NSMCE2: variants seen among roughly 807,000 people sequenced by gnomAD.
NSMCE2 encodes the protein E3 SUMO-protein ligase NSE2.
NSMCE2 carries 24 observed loss-of-function variants against 23.8 expected under a neutral mutation model. The ratio of observed to expected loss-of-function variants is 1.01; its 90% CI spans 0.73 to 1.42. The LOEUF is 1.42. NSMCE2 is among the 40% of genes most tolerant of loss of function. The pLI is 0.00. For missense variants in NSMCE2, 284 were observed against 296.5 expected (o/e 0.96, Z 0.31); for synonymous variants, 92 against 94.1 (o/e 0.98, Z 0.13).
intron 3 of NSMCE2, among the ~76,000 whole-genome samples, chr8:125,111,573 G>A (rs1045255244): frequency 1.4e-4 from 21 of 152,312 alleles, no homozygotes; most frequent in East Asian, 9.7e-4. Flanking sequence ...GCCGAGGCGG[G>A]CGGATCACTT....
chr8:125,248,832 G>T (rs1221286763), intron 5 of NSMCE2, among the ~76,000 whole-genome samples: 1 of 152,206 alleles, frequency 6.6e-6, no homozygotes, highest in Non-Finnish European at 1.5e-5. Flanking sequence ...TGGAGACACA[G>T]AGGATCATAG....
At chr8:125,357,636 C>A (rs1813341565) in intron 6 of NSMCE2, 76 bp from the exon 7 acceptor site, 1 of 1,080,154 alleles carries the variant, frequency 9.3e-7, no homozygotes, top group Non-Finnish European at 1.4e-6. Flanking sequence ...ACATAGAAAG[C>A]TCAGGACTAG....
At chr8:125,218,420 T>C (rs76101079) in intron 5 of NSMCE2, among the ~76,000 whole-genome samples, 3,260 of 151,974 alleles carry the variant, frequency 0.021, 125 homozygotes, top group African/African-American at 0.075. Flanking sequence ...GAGGGTTTTT[T>C]TTTTTTTTTG....
chr8:125,214,713 T>C (rs1287531948), intron 5 of NSMCE2, among the ~76,000 whole-genome samples: 2 of 152,244 alleles, frequency 1.3e-5, no homozygotes, highest in African/African-American at 2.4e-5. Context: ...TTGAATGATA[T>C]ATTTGTTGCA....
intron 5 of NSMCE2, among the ~76,000 whole-genome samples, chr8:125,311,816 C>T (rs753251182): frequency 2.0e-5 from 3 of 151,990 alleles, no homozygotes; most frequent in African/African-American, 4.8e-5. Flanking sequence ...CGGTGGCTCA[C>T]GCCTGTAATC....
chr8:125,238,330 A>G (rs1459046093), intron 5 of NSMCE2, among the ~76,000 whole-genome samples: 1 of 152,200 alleles, frequency 6.6e-6, no homozygotes, highest in Non-Finnish European at 1.5e-5. Context: ...TTCAAGTTCC[A>G]TGTAAGTTAT....
At chr8:125,124,023 C>T (rs72720536) in intron 3 of NSMCE2, 14,513 of 152,182 alleles carry the variant, frequency 0.095, 744 homozygotes, top group African/African-American at 0.11. Context: ...AAAAGAAACC[C>T]TGTACCCTTT....
intron 5 of NSMCE2, among the ~76,000 whole-genome samples, chr8:125,250,791 C>T (rs1030113055): frequency 8.5e-5 from 13 of 152,280 alleles, no homozygotes; most frequent in South Asian, 6.2e-4. Flanking sequence ...GCTGGGATAA[C>T]AAGCGTGAGC....
chr8:125,211,165 C>A (rs1413782797), intron 5 of NSMCE2, among the ~76,000 whole-genome samples: 2 of 152,048 alleles, frequency 1.3e-5, no homozygotes, highest in African/African-American at 4.8e-5. Flanking sequence ...TATGTATATT[C>A]TCTGCTCTTC....
At chr8:125,245,646 A>T (rs1362797556) in intron 5 of NSMCE2, among the ~76,000 whole-genome samples, 1 of 152,178 alleles carries the variant, frequency 6.6e-6, no homozygotes, top group Non-Finnish European at 1.5e-5. Flanking sequence ...AATAATGACA[A>T]TAGCAGCAAT....
At chr8:125,100,837 A>T (rs1563649490) in intron 1 of NSMCE2, among the ~76,000 whole-genome samples, 1 of 152,214 alleles carries the variant, frequency 6.6e-6, no homozygotes, top group Non-Finnish European at 1.5e-5. Flanking sequence ...CTGGGATTAC[A>T]GGTGTGAGCC....
chr8:125,331,938 A>G (rs1829895085), intron 5 of NSMCE2, among the ~76,000 whole-genome samples: 1 of 152,164 alleles, frequency 6.6e-6, no homozygotes, highest in African/African-American at 2.4e-5. Context: ...TCCATATTTC[A>G]TTTATTTGGC....
At chr8:125,354,540 C>T (rs561642804) in intron 5 of NSMCE2, among the ~76,000 whole-genome samples, 2 of 152,224 alleles carry the variant, frequency 1.3e-5, no homozygotes, top group Non-Finnish European at 2.9e-5. Context: ...AGGTCTCAGA[C>T]GTTTGTTTAG....
At chr8:125,287,592 A>G (rs1360605789) in intron 5 of NSMCE2, among the ~76,000 whole-genome samples, 1 of 152,070 alleles carries the variant, frequency 6.6e-6, no homozygotes, top group African/African-American at 2.4e-5. Context: ...TATCATCCAT[A>G]TCATTAGTCT....
chr8:125,197,237 A>G (rs915012151), intron 5 of NSMCE2, among the ~76,000 whole-genome samples: 4 of 151,976 alleles, frequency 2.6e-5, no homozygotes, highest in African/African-American at 7.2e-5. Context: ...TTTTGTTTCC[A>G]TTGCTTTTGG....
At chr8:125,302,992 T>C (rs1828622379) in intron 5 of NSMCE2, among the ~76,000 whole-genome samples, 1 of 152,284 alleles carries the variant, frequency 6.6e-6, no homozygotes, top group African/African-American at 2.4e-5. Context: ...GCAGTGTCCA[T>C]GCTGCAGCTC....
chr8:125,262,656 A>G (rs1826744358), intron 5 of NSMCE2, among the ~76,000 whole-genome samples: 2 of 152,174 alleles, frequency 1.3e-5, no homozygotes, highest in South Asian at 4.1e-4. Flanking sequence ...TTAGCTCCAC[A>G]ATCTGGTGTC....
intron 5 of NSMCE2, among the ~76,000 whole-genome samples, chr8:125,325,319 A>G (rs919830437): frequency 9.0e-5 from 5 of 55,406 alleles, no homozygotes; most frequent in Non-Finnish European, 2.5e-4. Flanking sequence ...ATAAAATAAA[A>G]TAAAGTAAAA....
chr8:125,137,941 A>G (rs542603299), intron 3 of NSMCE2, among the ~76,000 whole-genome samples: 3 of 152,350 alleles, frequency 2.0e-5, no homozygotes, highest in South Asian at 2.1e-4. Context: ...TATGTGCTCA[A>G]TAGATGTTTG....
Sources: allele counts gnomAD v4.1 joint callset (sites outside exome capture counted in the v4.1 genomes callset), GRCh38; gene constraint gnomAD v4.1.1; transcripts MANE v1.5; gene names NCBI Gene and HGNC (gene_info 2026-07-23, HGNC 2026-07-21).